MAP7: variants seen among roughly 807,000 people sequenced by gnomAD.
MAP7 encodes the protein ensconsin.
In MAP7, 52 loss-of-function variants were observed where a neutral mutation model predicts 94.8. That is an observed-to-expected ratio of 0.55 (90% confidence interval 0.44 to 0.69). MAP7 has a LOEUF of 0.69. Ranked by LOEUF, MAP7 falls within the 30% of genes least tolerant of loss-of-function variation. The pLI is 0.00. For synonymous variants in MAP7, 350 were observed against 357.0 expected (o/e 0.98, Z 0.22); for missense variants, 940 against 964.6 (o/e 0.97, Z 0.34).
intron 1 of MAP7, among the ~76,000 whole-genome samples, chr6:136,525,297 T>A (rs192892733): frequency 2.6e-5 from 4 of 152,336 alleles, no homozygotes; most frequent in African/African-American, 9.6e-5. Flanking sequence ...CCCTCCACAT[T>A]CGCCCTCAAT....
At chr6:136,508,018 T>A (rs1316437840) in intron 1 of MAP7, among the ~76,000 whole-genome samples, 1 of 152,142 alleles carries the variant, frequency 6.6e-6, no homozygotes, top group Non-Finnish European at 1.5e-5. Flanking sequence ...ACTTGCCCAA[T>A]TTGCCTGTTA....
intron 3 of MAP7, among the ~76,000 whole-genome samples, chr6:136,404,690 A>ATTACATGT (rs1208726435): frequency 6.6e-5 from 10 of 152,214 alleles, no homozygotes; most frequent in African/African-American, 9.7e-5. Flanking sequence ...AGACTAAATA[A>ATTACATGT]TTACATGTTT....
chr6:136,538,164 A>G (rs1454504632), intron 1 of MAP7, among the ~76,000 whole-genome samples: 1 of 152,224 alleles, frequency 6.6e-6, no homozygotes, highest in South Asian at 2.1e-4. Context: ...CCTCACCCAC[A>G]TGCCCACACA....
At chr6:136,370,904 G>C (rs911650971) in intron 8 of MAP7, among the ~76,000 whole-genome samples, 5 of 43,932 alleles carry the variant, frequency 1.1e-4, no homozygotes, top group African/African-American at 3.8e-4. Flanking sequence ...TACGTTACAT[G>C]CTTTTTTTTT....
Position 136,356,885 on chromosome 6 carries a change from C to T in MAP7, c.1913-91G>A. ...GAGCCAGAATGCCTTGATTTATGTG[C>T]TGGTTCTGCTACTTAAGTGATGTGA... On this transcript the variant is annotated intron_variant, in intron 15 of 17. Transcript: ENST00000354570. 4.1e-6 allele frequency: 4 copies of T among 975,084 alleles called. No individual in the cohort carries two copies. The South Asian group carries it at 4.2e-5, about 10-fold the overall frequency. The allele number at this position is 975,084 out of a possible 1,614,324, so 60.4% of individuals were successfully genotyped here.
At chr6:136,475,734 G>T (rs1259193533) in intron 1 of MAP7, 1 of 151,858 alleles carries the variant, frequency 6.6e-6, no homozygotes, top group South Asian at 2.1e-4. Flanking sequence ...TTTTAGGATG[G>T]AGCAATCCTT....
At chr6:136,526,174 G>C in intron 1 of MAP7, 1 of 1,272,784 alleles carries the variant, frequency 7.9e-7, no homozygotes, top group Non-Finnish European at 9.9e-7. Context: ...CCCTCACCTA[G>C]CAGCAGCTTC....
chr6:136,482,130 G>A (rs1175293315), intron 1 of MAP7, among the ~76,000 whole-genome samples: 3 of 152,164 alleles, frequency 2.0e-5, no homozygotes, highest in Non-Finnish European at 4.4e-5. Context: ...AATAACAGAC[G>A]CTGGGTGAGT....
At chr6:136,415,724 A>G (rs9376184) in intron 2 of MAP7, among the ~76,000 whole-genome samples, 8,176 of 152,340 alleles carry the variant, frequency 0.054, 481 homozygotes, top group African/African-American at 0.14. Context: ...TTGGTAAGAT[A>G]ATATGTAAAA....
chr6:136,402,532 G>A (rs925135958), intron 3 of MAP7, among the ~76,000 whole-genome samples: 2 of 152,170 alleles, frequency 1.3e-5, no homozygotes, highest in Non-Finnish European at 2.9e-5. Flanking sequence ...GGGCTAATGG[G>A]GTTGAGGTGC....
At chr6:136,376,105 T>C (rs925767756) in intron 7 of MAP7, among the ~76,000 whole-genome samples, 3 of 144,598 alleles carry the variant, frequency 2.1e-5, no homozygotes, top group Admixed American at 1.4e-4. Flanking sequence ...TGAAAAGCGG[T>C]TTTTTTTTTT....
intron 1 of MAP7, among the ~76,000 whole-genome samples, chr6:136,443,874 G>A (rs535815325): frequency 2.8e-4 from 42 of 152,244 alleles, no homozygotes; most frequent in Admixed American, 5.2e-4. Context: ...CTGTAGAAGC[G>A]CCCCTTGAGA....
At chr6:136,354,945 TG>T (rs1790451525) in intron 16 of MAP7, among the ~76,000 whole-genome samples, 2 of 152,272 alleles carry the variant, frequency 1.3e-5, no homozygotes, top group African/African-American at 2.4e-5. Flanking sequence ...TATGGTAGGC[TG>T]GGTGTGATGG....
intron 1 of MAP7, among the ~76,000 whole-genome samples, chr6:136,494,623 A>G (rs1217614458): frequency 5.9e-5 from 9 of 152,208 alleles, no homozygotes; most frequent in Admixed American, 5.2e-4. Flanking sequence ...AACCATTATC[A>G]TCTCTCATTT....
At chr6:136,471,601 G>C (rs2128938659) in intron 1 of MAP7, among the ~76,000 whole-genome samples, 1 of 152,062 alleles carries the variant, frequency 6.6e-6, no homozygotes, top group South Asian at 2.1e-4. Context: ...AGTGACAAAA[G>C]CTACCCATGC....
chr6:136,464,200 A>G (rs1582991377), intron 1 of MAP7, among the ~76,000 whole-genome samples: 1 of 152,192 alleles, frequency 6.6e-6, no homozygotes, highest in East Asian at 1.9e-4. Flanking sequence ...TGTTTGAATC[A>G]TCTATGATAA....
rs775153921 is a variant in MAP7 at position 136,361,183 on chromosome 6, G to T, written c.1527-4C>A. ...AGCCAATTCCTCTCTCTTTTGTCTG[G>T]AAAAAGACAGAACAAAACCAAAACC... On this transcript the variant is annotated splice_polypyrimidine_tract_variant and splice_region_variant and intron_variant, in intron 11 of 17. Transcript: ENST00000354570. The T allele has an allele frequency of 6.2e-7, 1 of 1,601,558 alleles. No individual in the cohort carries two copies. Among genetic ancestry groups the T allele is most frequent in the South Asian group, 1.1e-5 (1 of 91,074 alleles).
At chr6:136,522,921 G>C (rs1248282565) in intron 1 of MAP7, among the ~76,000 whole-genome samples, 1 of 152,146 alleles carries the variant, frequency 6.6e-6, no homozygotes, top group Non-Finnish European at 1.5e-5. Context: ...TGTAATTCCA[G>C]CTATTAAGGA....
intron 1 of MAP7, among the ~76,000 whole-genome samples, chr6:136,524,064 A>AC (rs1827161453): frequency 6.6e-6 from 1 of 151,576 alleles, no homozygotes; most frequent in South Asian, 2.1e-4. Flanking sequence ...TAATGGTGAA[A>AC]CCCCGTCTCT....
Sources: allele counts gnomAD v4.1 joint callset (sites outside exome capture counted in the v4.1 genomes callset), GRCh38; gene constraint gnomAD v4.1.1; transcripts MANE v1.5; gene names NCBI Gene and HGNC (gene_info 2026-07-23, HGNC 2026-07-21).